TP63: variants seen among roughly 807,000 people sequenced by gnomAD.
The protein encoded by TP63 is tumor protein 63.
TP63 carries 17 observed loss-of-function variants against 82.8 expected under a neutral mutation model. The observed-to-expected ratio is 0.21, with a 90% confidence interval of 0.14 to 0.31. The LOEUF is 0.31. Among genes scored for constraint, TP63 ranks in the 10% least tolerant of loss-of-function variants. The pLI is 1.00. For missense variants in TP63, 648 were observed against 895.3 expected (o/e 0.72, Z 3.52); for synonymous variants, 330 against 321.7 (o/e 1.03, Z -0.28).
chr3:189,826,016 G>C (rs1729312115), intron 4 of TP63, among the ~76,000 whole-genome samples: 1 of 152,036 alleles, frequency 6.6e-6, no homozygotes, highest in Non-Finnish European at 1.5e-5. Flanking sequence ...ATGGAGGACA[G>C]GGCAGAAAAG....
intron 4 of TP63, among the ~76,000 whole-genome samples, chr3:189,816,835 T>A (rs1728238013): frequency 6.6e-6 from 1 of 152,118 alleles, no homozygotes; most frequent in African/African-American, 2.4e-5. Context: ...TTAGTAATGA[T>A]CATGACCTTA....
chr3:189,625,709 T>G, the TP63 span, among the ~76,000 whole-genome samples: 1 of 152,248 alleles, frequency 6.6e-6, no homozygotes, highest in South Asian at 2.1e-4. Flanking sequence ...AAAAAAAATC[T>G]GGGGAATGCC....
chr3:189,788,162 T>A (rs1426106327), intron 3 of TP63, among the ~76,000 whole-genome samples: 2 of 151,984 alleles, frequency 1.3e-5, no homozygotes, highest in African/African-American at 4.8e-5. Flanking sequence ...TCCCAATATA[T>A]GTGTGAAGAA....
At chr3:189,733,679 T>G (rs763110396) in intron 1 of TP63, among the ~76,000 whole-genome samples, 1 of 152,238 alleles carries the variant, frequency 6.6e-6, no homozygotes, top group Admixed American at 6.5e-5. Flanking sequence ...TTTCCTATAT[T>G]TCAGTTTTAT....
intron 1 of TP63, among the ~76,000 whole-genome samples, chr3:189,706,649 C>G (rs989012257): frequency 3.3e-5 from 5 of 152,144 alleles, no homozygotes; most frequent in Non-Finnish European, 7.4e-5. Context: ...CAATACATCT[C>G]AAGCAGGGAA....
At chr3:189,790,543 T>C (rs1225110871) in intron 3 of TP63, among the ~76,000 whole-genome samples, 1 of 151,934 alleles carries the variant, frequency 6.6e-6, no homozygotes, top group African/African-American at 2.4e-5. Context: ...TGATCTCTTC[T>C]CAGCAAGTTT....
At chr3:189,799,083 A>C (rs1181557918) in intron 3 of TP63, among the ~76,000 whole-genome samples, 1 of 152,004 alleles carries the variant, frequency 6.6e-6, no homozygotes, top group African/African-American at 2.4e-5. Flanking sequence ...TGAGTAGTAC[A>C]CTCCTTGTTT....
chr3:189,698,139 C>T (rs191539438), intron 1 of TP63, among the ~76,000 whole-genome samples: 16 of 152,066 alleles, frequency 1.1e-4, no homozygotes, highest in African/African-American at 3.1e-4. Context: ...CATCCAGTTT[C>T]GTACCATTAC....
At position 189,818,472 on chromosome 3, in the gene TP63, G is replaced by A. The variant is rs148276678; in HGVS notation, c.579+9946G>A. ...AATGTTATTTTTATAAACTTATCTA[G>A]AACTGACTGCTATTATAATAAATAC... is the stretch of plus-strand genomic sequence containing the variant. On this transcript the variant is annotated intron_variant, in intron 4 of 13. Transcript: ENST00000264731. 2.0e-4 allele frequency among the ~76,000 whole-genome samples: 30 copies of A among 151,878 alleles called. No homozygotes were observed. The East Asian group carries it at 3.9e-3, about 20-fold the overall frequency.
Position 189,690,512 on chromosome 3 carries a change from A to G in TP63, c.63-47228A>G, listed in dbSNP as rs567250568. ...CAGCTGTCACTGAGGTCTCATGTGGATCTGCTGAAATCATTGTCATTCTAT... is the reference window on the plus strand; with the variant it reads ...CAGCTGTCACTGAGGTCTCATGTGGGTCTGCTGAAATCATTGTCATTCTAT... On this transcript the variant is annotated intron_variant, in intron 1 of 13. Transcript: ENST00000264731. Among the ~76,000 whole-genome samples, 15 of 152,282 alleles carry G rather than the reference A, an allele frequency of 9.9e-5. No homozygotes were observed. The East Asian group carries it at 2.9e-3, about 29-fold the overall frequency.
chr3:189,677,340 A>T (rs1577222664), intron 1 of TP63, among the ~76,000 whole-genome samples: 1 of 142,112 alleles, frequency 7.0e-6, no homozygotes, highest in African/African-American at 2.5e-5. Context: ...ATTTATATAT[A>T]TAAATATATA....
At chr3:189,723,023 G>A (rs1719508955) in intron 1 of TP63, among the ~76,000 whole-genome samples, 1 of 152,190 alleles carries the variant, frequency 6.6e-6, no homozygotes, top group Admixed American at 6.5e-5. Context: ...CAGATCATTT[G>A]AAACAGAATC....
intron 1 of TP63, among the ~76,000 whole-genome samples, chr3:189,727,407 A>G (rs1488375668): frequency 1.3e-5 from 2 of 152,192 alleles, no homozygotes; most frequent in Non-Finnish European, 2.9e-5. Context: ...TCACTCATTC[A>G]GCAATCTGAG....
intron 1 of TP63, among the ~76,000 whole-genome samples, chr3:189,654,774 T>A (rs1713189350): frequency 6.6e-6 from 1 of 152,230 alleles, no homozygotes; most frequent in African/African-American, 2.4e-5. Flanking sequence ...TGTGCTGAGT[T>A]TCACTCAGAT....
intron 4 of TP63, among the ~76,000 whole-genome samples, chr3:189,834,408 A>G (rs1712815650): frequency 6.6e-6 from 1 of 152,180 alleles, no homozygotes; most frequent in African/African-American, 2.4e-5. Context: ...GAAAACATAG[A>G]TTCTTATGCT....
chr3:189,782,869 A>G (rs1349430940), intron 3 of TP63, among the ~76,000 whole-genome samples: 1 of 152,118 alleles, frequency 6.6e-6, no homozygotes, highest in African/African-American at 2.4e-5. Context: ...TTTAAAAAAT[A>G]TTTTAAATAA....
intron 3 of TP63, among the ~76,000 whole-genome samples, chr3:189,787,967 AATT>A (rs1724748772): frequency 6.6e-6 from 1 of 152,018 alleles, no homozygotes; most frequent in Non-Finnish European, 1.5e-5. Context: ...GGGCCACAGG[AATT>A]ATGCATACCT....
At chr3:189,842,828 A>G (rs13326685) in intron 4 of TP63, among the ~76,000 whole-genome samples, 67,976 of 151,910 alleles carry the variant, frequency 0.45, 15,279 homozygotes, top group Admixed American at 0.5. Context: ...CGACCTTAAC[A>G]CGAGTACCTG....
At chr3:189,631,222 ACT>A (rs1729439219), upstream of TP63, 7 of 985,254 alleles carry the variant, frequency 7.1e-6, no homozygotes, top group South Asian at 1.4e-4. Flanking sequence ...TACGTCAAGG[ACT>A]CTGAAGCCGT....
Sources: allele counts gnomAD v4.1 joint callset (sites outside exome capture counted in the v4.1 genomes callset), GRCh38; gene constraint gnomAD v4.1.1; transcripts MANE v1.5; gene names NCBI Gene and HGNC (gene_info 2026-07-23, HGNC 2026-07-21).